Variants in RNF114 observed in about 807,000 individuals in gnomAD.
RNF114 encodes the protein ring finger protein 114.
RNF114 carries 6 observed loss-of-function variants against 28.4 expected under a neutral mutation model. The observed-to-expected ratio is 0.21, with a 90% CI of 0.12 to 0.42. RNF114 has a LOEUF of 0.42. Ranked by LOEUF, RNF114 falls within the 10% of genes least tolerant of loss-of-function variation. The probability of loss-of-function intolerance (pLI) is 1.00; values close to 1 mark genes in which losing one functional copy is unlikely to be tolerated. For synonymous variants in RNF114, 115 were observed against 116.7 expected (o/e 0.99, Z 0.09); for missense variants, 249 against 311.7 (o/e 0.80, Z 1.51).
chr20:49,937,762 A>G (rs1050762555), intron 1 of RNF114, among the ~76,000 whole-genome samples: 1 of 151,946 alleles, frequency 6.6e-6, no homozygotes, highest in Admixed American at 6.6e-5. Context: ...ATCCCCATCT[A>G]AATTACTTCC....
chr20:49,952,052 C>T, intron 5 of RNF114, 24 bp from the exon 6 acceptor site: 1 of 1,592,440 alleles, frequency 6.3e-7, no homozygotes, highest in Non-Finnish European at 8.6e-7. Flanking sequence ...GTTGCTGAGG[C>T]TGCATGTCTC....
At chr20:49,943,810 C>G (rs2090317009) in intron 2 of RNF114, 1 of 141,428 alleles carries the variant, frequency 7.1e-6, no homozygotes, top group Non-Finnish European at 1.5e-5. Context: ...AGGTGCCCAT[C>G]ACCACGCCCA....
At chr20:49,951,951 C>G in intron 5 of RNF114, 125 bp from the exon 6 acceptor site, 3 of 711,648 alleles carry the variant, frequency 4.2e-6, no homozygotes, top group South Asian at 1.6e-5. Flanking sequence ...CAAACAGTTG[C>G]ACTGGGGATC....
Position 49,947,228 on chromosome 20 carries a change from C to A in RNF114, c.513+978C>A, listed in dbSNP as rs1197089300. ...GAACAAAACTGCCCCCCCCCCCCCC[C>A]CCCCCCCCAAAAAAGTATTTGTTCC... On this transcript the variant is annotated intron_variant, in intron 4 of 5. Transcript: ENST00000244061. Among the ~76,000 whole-genome samples, 11 of 13,834 alleles carry A rather than the reference C, an allele frequency of 8.0e-4. 1 individual carries two copies. The East Asian group carries it at 0.032, about 40-fold the overall frequency. 9.1% of individuals were successfully genotyped at this position (13,834 alleles called of 152,430 possible).
chr20:49,951,939 C>A, intron 5 of RNF114, 137 bp from the exon 6 acceptor site: 1 of 668,720 alleles, frequency 1.5e-6, no homozygotes, highest in Non-Finnish European at 2.7e-6. Context: ...TACCTAGCAT[C>A]ACAAACAGTT....
intron 2 of RNF114, chr20:49,941,938 A>G: frequency 4.1e-6 from 2 of 492,014 alleles, no homozygotes; most frequent in East Asian, 3.7e-5. Flanking sequence ...TTTGAAAGCC[A>G]TAGAAATCAG....
chr20:49,940,200 T>G (rs1206067662), intron 1 of RNF114, among the ~76,000 whole-genome samples: 1 of 152,132 alleles, frequency 6.6e-6, no homozygotes, highest in African/African-American at 2.4e-5. Flanking sequence ...AAAAGTCTGT[T>G]AGATTTTTAT....
At chr20:49,949,226 G>C (rs375604567) in intron 4 of RNF114, 22 bp from the exon 5 acceptor site, 1 of 1,606,074 alleles carries the variant, frequency 6.2e-7, no homozygotes, top group African/African-American at 1.3e-5. Flanking sequence ...GGGTGCCTAA[G>C]ACCTTGCTTT....
rs1281478795 is a variant in RNF114 at position 49,953,625 on chromosome 20, C to T, written c.*1484C>T. Reference sequence around the variant, plus strand: ...ACCCAAAAGTTAAGGTCAGCTTGTTCACTGTAATTTCTGGAAGAAGTTCAC... The same window carrying T: ...ACCCAAAAGTTAAGGTCAGCTTGTTTACTGTAATTTCTGGAAGAAGTTCAC... On this transcript the variant is annotated 3_prime_UTR_variant, in exon 6 of 6. Coordinates refer to ENST00000244061, the MANE Select transcript of RNF114 (RefSeq NM_018683.4). The T allele has an allele frequency of 6.6e-6, 1 of 152,044 alleles. No individual in the cohort carries two copies. Among genetic ancestry groups the T allele is most frequent in the Non-Finnish European group, 1.5e-5 (1 of 68,008 alleles). The allele number at this position is 152,044 out of a possible 1,614,324, so 9.4% of individuals were successfully genotyped here. A position where few individuals can be genotyped will look rare whatever the true frequency, so the allele number is the denominator to read the frequency against.
rs758000156 is a variant in RNF114 at position 49,941,623 on chromosome 20, G to A, written c.203G>A (p.Arg68His). Residue 68 changes from arginine to histidine, a missense_variant, in exon 2 of 6, where the codon CGC (arginine) becomes CAC (histidine). Arg to His is a conservative substitution (Grantham distance 29, BLOSUM62 0). This residue lies in a region of RNF114 where 123 missense variants were observed against 106.4 expected (regional missense o/e 1.16). Transcript: ENST00000244061. Reference protein sequence around the residue: ...KPKKPVCGVCRSALAPGVRAV... With the variant: ...KPKKPVCGVCHSALAPGVRAV... Reference sequence around the variant, plus strand: ...AAGAAGCCTGTCTGTGGGGTGTGTCGCAGCGCTCTGGCACCTGGCGTCCGA... The same window carrying A: ...AAGAAGCCTGTCTGTGGGGTGTGTCACAGCGCTCTGGCACCTGGCGTCCGA... 5.0e-6 allele frequency: 8 copies of A among 1,612,644 alleles called. No individual in the cohort carries two copies. The highest frequency in any genetic ancestry group is 3.3e-5 in the Admixed American group (2 of 59,918).
Position 49,946,163 on chromosome 20 carries a change from T to C in RNF114, c.426T>C (p.Pro142=), listed in dbSNP as rs141524709. 2.0e-4 allele frequency: 327 copies of C among 1,609,504 alleles called. No individual in the cohort carries two copies. The highest frequency in any genetic ancestry group is 2.6e-4 in the Non-Finnish European group (301 of 1,178,204). Residue 142 remains proline (P), a synonymous_variant, in exon 4 of 6, where the codon CCT becomes CCC. Coordinates refer to ENST00000244061, the MANE Select transcript of RNF114 (RefSeq NM_018683.4). ...ATGTTCCAAACCGTTACACCTTTCC[T>C]TGTCCTTACTGTCCTGAGAAGAACT... ...PRNVPNRYTF[P]CPYCPEKNFD...
intron 2 of RNF114, 49 bp downstream of exon 2, chr20:49,941,760 G>A (rs1178004627): frequency 6.3e-7 from 1 of 1,587,950 alleles, no homozygotes; most frequent in Non-Finnish European, 8.6e-7. Context: ...TGATAAGTTG[G>A]GGTAAAACGT....
chr20:49,946,536 T>C (rs1183132913), intron 4 of RNF114, among the ~76,000 whole-genome samples: 1 of 152,180 alleles, frequency 6.6e-6, no homozygotes, highest in Non-Finnish European at 1.5e-5. Context: ...TGGAAAATTA[T>C]ATTTTTGTGT....
intron 1 of RNF114, among the ~76,000 whole-genome samples, chr20:49,938,385 G>T (rs556596766): frequency 4.5e-4 from 68 of 152,318 alleles, no homozygotes; most frequent in African/African-American, 1.5e-3. Flanking sequence ...GAAGACAGAT[G>T]GAAGCACCTC....
chr20:49,937,046 C>T (rs2090289986), intron 1 of RNF114, among the ~76,000 whole-genome samples: 1 of 152,094 alleles, frequency 6.6e-6, no homozygotes, highest in Admixed American at 6.5e-5. Flanking sequence ...GGGATCTGGC[C>T]AGTTTGCCCT....
rs944756575 is a variant in RNF114 at position 49,936,448 on chromosome 20, G to A, written c.36G>A (p.Ala12=). 2 of 1,547,724 alleles carry A rather than the reference G, an allele frequency of 1.3e-6. No homozygotes were observed. Among genetic ancestry groups the A allele is most frequent in the South Asian group, 1.2e-5 (1 of 83,614 alleles). The change falls in exon 1 of 6, where the codon GCG becomes GCA. Residue 12 remains alanine (A), a synonymous_variant. Coordinates refer to ENST00000244061, the MANE Select transcript of RNF114 (RefSeq NM_018683.4). ...AAQQRDCGGA[A]QLAGPAAEAD... ...AACAGCGGGACTGCGGGGGTGCTGC[G>A]CAGCTGGCGGGGCCGGCGGCGGAGG...
At position 49,936,521 on chromosome 20, in the gene RNF114, G is replaced by A; in HGVS notation, c.109G>A (p.Glu37Lys). Residue 37 changes from glutamate (E) to lysine (K), a missense_variant, in exon 1 of 6, where the codon GAG (glutamate) becomes AAG (lysine). Transcript: ENST00000244061. ...FTCPVCLEVYEKPVQVPCGHV... is the reference protein window; with the variant it reads ...FTCPVCLEVYKKPVQVPCGHV... ...GTGTCCCGTGTGCTTAGAGGTGTAC[G>A]AGAAGCCGGTACAGGTGCCCTGCGG... 1 of 1,585,840 alleles carries A rather than the reference G, an allele frequency of 6.3e-7. No homozygotes were observed. The highest frequency in any genetic ancestry group is 8.6e-7 in the Non-Finnish European group (1 of 1,167,378).
intron 2 of RNF114, 53 bp from the exon 3 acceptor site, chr20:49,945,329 T>C: frequency 9.2e-7 from 1 of 1,089,946 alleles, no homozygotes; most frequent in Non-Finnish European, 1.4e-6. Flanking sequence ...GACTATATTT[T>C]GCCTGTTGCA....
At position 49,943,713 on chromosome 20, in the gene RNF114, C is replaced by T. The variant is rs149444680; in HGVS notation, c.292-1669C>T. ...TCACTCTGTTGCCCAGGCTGGAGTA[C>T]AGTGGCGTGATCTCAGCTCACTGCA... On this transcript the variant is annotated intron_variant, in intron 2 of 5. Transcript: ENST00000244061. 2.3e-3 allele frequency among the ~76,000 whole-genome samples: 269 copies of T among 115,454 alleles called. 1 individual carries two copies. The highest frequency in any genetic ancestry group is 8.6e-3 in the African/African-American group (259 of 30,188). 75.7% of individuals were successfully genotyped at this position (115,454 alleles called of 152,430 possible).
Sources: allele counts gnomAD v4.1 joint callset (sites outside exome capture counted in the v4.1 genomes callset), GRCh38; gene constraint gnomAD v4.1.1; regional missense constraint gnomAD v4.1.1; transcripts MANE v1.5; gene names NCBI Gene and HGNC (gene_info 2026-07-23, HGNC 2026-07-21).